Variants in TTBK1 observed in about 807,000 individuals in gnomAD.
TTBK1 encodes tau-tubulin kinase 1.
TTBK1 carries 34 observed loss-of-function variants against 108.5 expected under a neutral mutation model. That is an observed-to-expected ratio of 0.31 (90% CI 0.24 to 0.42). The LOEUF (loss-of-function observed/expected upper bound fraction) is 0.42, where lower values mean the gene tolerates loss of function less well. Ranked by LOEUF, TTBK1 falls within the 10% of genes least tolerant of loss-of-function variation. The pLI is 1.00. For synonymous variants in TTBK1, 809 were observed against 795.1 expected, an observed-to-expected ratio of 1.02 and a Z score of -0.29; for missense variants, 1,539 against 1,826.0, an observed-to-expected ratio of 0.84 and a Z score of 2.86.
chr6:43,256,638 C>T (rs1777389281), intron 9 of TTBK1, among the ~76,000 whole-genome samples: 1 of 152,100 alleles, frequency 6.6e-6, no homozygotes, highest in African/African-American at 2.4e-5. Context: ...ACTCAGTAGG[C>T]TAAAGTGTAA....
intron 13 of TTBK1, chr6:43,271,866 G>GGC: frequency 8.2e-6 from 8 of 979,634 alleles, no homozygotes; most frequent in Non-Finnish European, 8.5e-6. Flanking sequence ...TAATACTTGT[G>GGC]CCCCACCCCC....
Position 43,265,347 on chromosome 6 carries a change from C to T in TTBK1, c.1986+1997C>T, listed in dbSNP as rs959705453. On this transcript the variant is annotated intron_variant, in intron 13 of 14. Transcript: ENST00000259750. This position sits in a 1 kb window ranked among gnomAD's most constrained non-coding sequence, Gnocchi z 4.1. Reference sequence around the variant, plus strand: ...GGCAGGAGTGTATGCAGACCCCATCCCTATCTAGAGGTCCCTTCTAGAAGA... The same window carrying T: ...GGCAGGAGTGTATGCAGACCCCATCTCTATCTAGAGGTCCCTTCTAGAAGA... Among the ~76,000 whole-genome samples, 6 of 152,190 alleles carry T rather than the reference C, an allele frequency of 3.9e-5. No homozygotes were observed. Among genetic ancestry groups the T allele is most frequent in the African/African-American group, 1.4e-4 (6 of 41,442 alleles).
intron 1 of TTBK1, among the ~76,000 whole-genome samples, chr6:43,245,717 G>C (rs1044765592): frequency 8.5e-5 from 13 of 152,142 alleles, no homozygotes; most frequent in African/African-American, 2.9e-4. Context: ...CCTAATTCGA[G>C]GAGAGATGTG....
At position 43,269,669 on chromosome 6, in the gene TTBK1, C is replaced by G; in HGVS notation, c.1986+6319C>G. 1 of 1,611,324 alleles carries G rather than the reference C, an allele frequency of 6.2e-7. No homozygotes were observed. The highest frequency in any genetic ancestry group is 8.5e-7 in the Non-Finnish European group (1 of 1,179,428). On this transcript the variant is annotated intron_variant, in intron 13 of 14. Coordinates refer to ENST00000259750, the MANE Select transcript of TTBK1 (RefSeq NM_032538.3). This position sits in a 1 kb window ranked among gnomAD's most constrained non-coding sequence, Gnocchi z 4.8. ...TGGAGGAGGACAGACTCTCGGGGCACTCCCTCCCGCGGTACAGCCCCCTGC... is the reference window on the plus strand; with the variant it reads ...TGGAGGAGGACAGACTCTCGGGGCAGTCCCTCCCGCGGTACAGCCCCCTGC...
chr6:43,261,422 A>C lies in TTBK1; in HGVS notation c.1425-1367A>C, dbSNP rs149234165. Among the ~76,000 whole-genome samples the C allele has an allele frequency of 9.5e-3, 1,452 of 152,250 alleles. 18 individuals carry two copies. Among genetic ancestry groups the C allele is most frequent in the African/African-American group, 0.032 (1,335 of 41,522 alleles). On this transcript the variant is annotated intron_variant, in intron 12 of 14. Coordinates refer to ENST00000259750, the MANE Select transcript of TTBK1 (RefSeq NM_032538.3). The stretch of plus-strand genomic sequence containing the variant: ...ATTCTTTCTTGTGTAGCACCTCCCC[A>C]CACACACACTACTGTACAATCAGAA...
At chr6:43,268,357 CA>C (rs1777736554) in intron 13 of TTBK1, among the ~76,000 whole-genome samples, 1 of 152,156 alleles carries the variant, frequency 6.6e-6, no homozygotes, top group African/African-American at 2.4e-5. Context: ...TAGACTTGGC[CA>C]AAAAGAAGCT....
Position 43,255,357 on chromosome 6 carries a change from C to T in TTBK1, c.643-195C>T, listed in dbSNP as rs114060405. On this transcript the variant is annotated intron_variant, in intron 7 of 14. Coordinates refer to ENST00000259750, the MANE Select transcript of TTBK1 (RefSeq NM_032538.3). ...CCCCTGTCCGGTGAGGAAGCACACA[C>T]GGTAGTTTTGGCTGTGGGACTCTGT... Among the ~76,000 whole-genome samples the T allele has an allele frequency of 1.7e-3, 254 of 152,228 alleles. 1 individual carries two copies. Among genetic ancestry groups the T allele is most frequent in the African/African-American group, 5.8e-3 (239 of 41,534 alleles).
chr6:43,248,780 C>T (rs887792373), intron 2 of TTBK1, among the ~76,000 whole-genome samples: 17 of 152,082 alleles, frequency 1.1e-4, no homozygotes, highest in African/African-American at 4.1e-4. Context: ...ATCGCTTGAG[C>T]CCAGGAGTTC....
In TTBK1 at chr6:43,269,810, G is replaced by C. The variant is rs763369587; in HGVS notation, c.1986+6460G>C. On this transcript the variant is annotated intron_variant, in intron 13 of 14. Coordinates refer to ENST00000259750, the MANE Select transcript of TTBK1 (RefSeq NM_032538.3). This position sits in a 1 kb window ranked among gnomAD's most constrained non-coding sequence, Gnocchi z 4.8. ...GTTCCCTCATTCAGCGCAGCCGCTCGGCTGAGAGCAGCCCTGTGCGGGCGC... is the reference window on the plus strand; with the variant it reads ...GTTCCCTCATTCAGCGCAGCCGCTCCGCTGAGAGCAGCCCTGTGCGGGCGC... The C allele has an allele frequency of 4.7e-5, 73 of 1,547,104 alleles. No homozygotes were observed. The African/African-American group carries it at 7.0e-4, about 15-fold the overall frequency.
At chr6:43,258,908 C>A in intron 10 of TTBK1, 130 bp from the exon 11 acceptor site, 1 of 639,632 alleles carries the variant, frequency 1.6e-6, no homozygotes, top group Non-Finnish European at 2.7e-6. Context: ...GGGACACTCT[C>A]ACCCCTGACG....
rs751940299 is a variant in TTBK1 at position 43,283,935 on chromosome 6, G to A, written c.3195G>A (p.Thr1065=). The A allele has an allele frequency of 1.9e-5, 30 of 1,612,808 alleles. No homozygotes were observed. Among genetic ancestry groups the A allele is most frequent in the African/African-American group, 1.3e-4 (10 of 74,920 alleles). Residue 1065 remains threonine, a synonymous_variant, in exon 14 of 15, where the codon ACG becomes ACA. Transcript: ENST00000259750. The surrounding 1 kb of genome is among the most constrained non-coding windows in gnomAD (Gnocchi z 8.1). ...RIPVLLSEED[T]GSEPSGSLSA... ...CTGTCCTGCTCTCTGAGGAGGACAC[G>A]GGCTCGGAGCCCTCAGGCTCACTGT...
chr6:43,285,340 G>A lies in TTBK1; in HGVS notation c.3930G>A (p.Arg1310=), dbSNP rs1562104190. 4.7e-6 allele frequency: 6 copies of A among 1,285,202 alleles called. No homozygotes were observed. Among genetic ancestry groups the A allele is most frequent in the Non-Finnish European group, 5.9e-6 (6 of 1,020,984 alleles). The allele number at this position is 1,285,202 out of a possible 1,614,324, so 79.6% of individuals were successfully genotyped here. Residue 1310 remains arginine (R), a synonymous_variant, in exon 15 of 15, where the codon CGG becomes CGA. Coordinates refer to ENST00000259750, the MANE Select transcript of TTBK1 (RefSeq NM_032538.3). This position sits in a 1 kb window ranked among gnomAD's most constrained non-coding sequence, Gnocchi z 4.7. ...CTCAGCGCGCAACAACCAAAGGCCG[G>A]GCAGGAGGCGCGGAGGGCCGGGCTG... The part of the protein sequence containing the change: ...LQAQRATTKG[R]AGGAEGRAGA...
intron 13 of TTBK1, among the ~76,000 whole-genome samples, chr6:43,278,164 T>C (rs1172335870): frequency 6.6e-6 from 1 of 152,156 alleles, no homozygotes; most frequent in Non-Finnish European, 1.5e-5. Context: ...CCAGTGTCGG[T>C]GTCAGAGAAG....
rs145431111 is a variant in TTBK1 at position 43,259,421 on chromosome 6, C to T, written c.1249-110C>T. ...GTTTCCCGGTCCCTCCCCGCACTAG[C>T]CTCGCTGTGTCTTCCATCATCATCA... On this transcript the variant is annotated intron_variant, in intron 11 of 14. Transcript: ENST00000259750. This position sits in a 1 kb window ranked among gnomAD's most constrained non-coding sequence, Gnocchi z 6.7. 11,244 of 1,355,522 alleles carry T rather than the reference C, an allele frequency of 8.3e-3. 112 individuals carry two copies. The highest frequency in any genetic ancestry group is 0.035 in the South Asian group (2,402 of 67,704). 84.0% of individuals were successfully genotyped at this position (1,355,522 alleles called of 1,614,324 possible). A position where few individuals can be genotyped will look rare whatever the true frequency, so the allele number is the denominator to read the frequency against.
chr6:43,283,525 A>C lies in TTBK1; in HGVS notation c.2785A>C (p.Thr929Pro). ...CTCACCCTTCACCAAAGTTGAGAGG[A>C]CCTTTGTGCACATTGCGGAGAAAAC... ...TSSPFTKVER[T>P]FVHIAEKTHL... The change falls in exon 14 of 15, where the codon ACC becomes CCC. Residue 929 changes from threonine (T) to proline (P), a missense_variant. Transcript: ENST00000259750. The surrounding 1 kb of genome is among the most constrained non-coding windows in gnomAD (Gnocchi z 8.1). 6.2e-7 allele frequency: 1 copy of C among 1,613,996 alleles called. No individual in the cohort carries two copies. Among genetic ancestry groups the C allele is most frequent in the Non-Finnish European group, 8.5e-7 (1 of 1,179,952 alleles).
rs913474493 is a variant in TTBK1, at chr6:43,265,139, G to A, written c.1986+1789G>A. Among the ~76,000 whole-genome samples the A allele has an allele frequency of 1.4e-4, 21 of 152,328 alleles. No individual in the cohort carries two copies. The highest frequency in any genetic ancestry group is 5.9e-4 in the Admixed American group (9 of 15,308). On this transcript the variant is annotated intron_variant, in intron 13 of 14. Transcript: ENST00000259750. This position sits in a 1 kb window ranked among gnomAD's most constrained non-coding sequence, Gnocchi z 4.1. ...CAGAGGGGCTGGGGAGAGTCATGGA[G>A]GGGATGCCGGAAGGGGCTCAGGGGC...
Position 43,284,126 on chromosome 6 carries a change from C to G in TTBK1, c.3386C>G (p.Ser1129Cys). 1 of 1,540,478 alleles carries G rather than the reference C, an allele frequency of 6.5e-7. No individual in the cohort carries two copies. Among genetic ancestry groups the G allele is most frequent in the Non-Finnish European group, 8.7e-7 (1 of 1,148,362 alleles). Residue 1129 changes from serine (S) to cysteine (C), a missense_variant, in exon 14 of 15, where the codon TCT becomes TGT. Around this residue, in one of 5 missense-constraint regions of TTBK1, gnomAD observed 1,055 missense variants for 1,086.5 expected, o/e 0.97. Transcript: ENST00000259750. ...TCTGAGACCCTCTCAGGCACGGGCT[C>G]TGAGGAGGACACGCCCGCCTCTGAG... ...RASETLSGTG[S>C]EEDTPASEPA...
At chr6:43,262,592 T>C (rs1777570971) in intron 12 of TTBK1, among the ~76,000 whole-genome samples, 197 bp from the exon 13 acceptor site, 1 of 152,154 alleles carries the variant, frequency 6.6e-6, no homozygotes, top group Non-Finnish European at 1.5e-5. Context: ...ACGAACGAAC[T>C]AACAAACGAA....
At chr6:43,252,985 GT>G in intron 3 of TTBK1, 99 bp downstream of exon 3, 3 of 1,433,524 alleles carry the variant, frequency 2.1e-6, no homozygotes, top group Non-Finnish European at 2.9e-6. Context: ...AGGAGATGTC[GT>G]GTGGTAGAGG....
Sources: gnomAD v4.1 joint callset for allele counts (sites outside exome capture counted in the v4.1 genomes callset) on GRCh38, gnomAD v4.1.1 for gene constraint, gnomAD v4.1.1 regional missense constraint, Gnocchi (gnomAD v3.1) non-coding constraint, MANE v1.5 for transcripts, NCBI Gene and HGNC (gene_info 2026-07-23, HGNC 2026-07-21) for gene names.